Variants in MAPK10 observed in about 807,000 individuals in gnomAD.
MAPK10 encodes the protein JNK3 alpha protein kinase.
Under a neutral mutation model 59.3 loss-of-function variants are expected in MAPK10, and 25 were observed. That is an observed-to-expected ratio of 0.42 (90% confidence interval 0.31 to 0.59). MAPK10 has a LOEUF of 0.59. MAPK10 is among the 20% of genes least tolerant of loss of function. The pLI is 0.15. For missense variants in MAPK10, 351 were observed against 568.9 expected, an observed-to-expected ratio of 0.62 and a Z score of 3.90; for synonymous variants, 190 against 200.5, an observed-to-expected ratio of 0.95 and a Z score of 0.44.
intron 1 of MAPK10, among the ~76,000 whole-genome samples, chr4:86,463,291 T>A (rs961783929): frequency 6.6e-6 from 1 of 152,212 alleles, no homozygotes; most frequent in Non-Finnish European, 1.5e-5. Context: ...TGAGCAAGAC[T>A]GTGAATGGTT....
intron 2 of MAPK10, among the ~76,000 whole-genome samples, chr4:86,314,629 T>C (rs933416211): frequency 1.6e-4 from 25 of 152,254 alleles, no homozygotes; most frequent in Admixed American, 1.2e-3. Context: ...GGTATATACA[T>C]GTGCGAAAAT....
intron 4 of MAPK10, among the ~76,000 whole-genome samples, chr4:86,130,966 A>T (rs2060893538): frequency 6.6e-6 from 1 of 152,118 alleles, no homozygotes; most frequent in Non-Finnish European, 1.5e-5. Flanking sequence ...GGACTGAACA[A>T]GTATTTTAAT....
chr4:86,013,966 T>TAAAAA lies in MAPK10; in HGVS notation c.*3257_*3261dup, dbSNP rs1242451309. 6.6e-6 allele frequency: 1 copy of TAAAAA among 152,218 alleles called. No individual in the cohort carries two copies. Among genetic ancestry groups the TAAAAA allele is most frequent in the Non-Finnish European group, 1.5e-5 (1 of 68,038 alleles). The allele number at this position is 152,218 out of a possible 1,614,324, so 9.4% of individuals were successfully genotyped here. A position where few individuals can be genotyped will look rare whatever the true frequency, so the allele number is the denominator to read the frequency against. On this transcript the variant is annotated 3_prime_UTR_variant, in exon 14 of 14. Transcript: ENST00000641462. ...AACACGCTGACCCACAAAACACATA[T>TAAAAA]AAAAATAGTAAAGACATATTAATAG...
At chr4:86,561,372 C>CA (rs1302739723) in intron 1 of MAPK10, among the ~76,000 whole-genome samples, 1 of 152,142 alleles carries the variant, frequency 6.6e-6, no homozygotes, top group Non-Finnish European at 1.5e-5. Flanking sequence ...GGTAGTATTT[C>CA]AAAAAATTAT....
intron 1 of MAPK10, among the ~76,000 whole-genome samples, chr4:86,529,333 T>C (rs760383197): frequency 5.7e-4 from 87 of 152,074 alleles, no homozygotes; most frequent in Non-Finnish European, 1.1e-3. Flanking sequence ...AATCTCATAT[T>C]CTCTGCACCA....
chr4:86,372,564 G>GAAAGAGAAAGAAAGAAAAGA (rs1739002096), intron 1 of MAPK10, among the ~76,000 whole-genome samples: 4 of 78,690 alleles, frequency 5.1e-5, no homozygotes, highest in African/African-American at 8.9e-5. Context: ...AAGAAAGAAA[G>GAAAGAGAAAGAAAGAAAAGA]AAAGAAAAGA....
intron 1 of MAPK10, among the ~76,000 whole-genome samples, chr4:86,583,465 T>C (rs553553084): frequency 6.6e-6 from 1 of 152,278 alleles, no homozygotes; most frequent in African/African-American, 2.4e-5. Context: ...GAAAGAATAC[T>C]AGAGAGAAGT....
intron 1 of MAPK10, among the ~76,000 whole-genome samples, chr4:86,372,341 A>T (rs1578953880): frequency 1.3e-5 from 2 of 151,970 alleles, no homozygotes; most frequent in Admixed American, 1.3e-4. Context: ...ACATGGTGAA[A>T]CCCTGTCTTT....
At chr4:86,437,743 T>C (rs950599189) in intron 1 of MAPK10, among the ~76,000 whole-genome samples, 5 of 152,208 alleles carry the variant, frequency 3.3e-5, no homozygotes, top group African/African-American at 1.2e-4. Flanking sequence ...CCTAGTGATA[T>C]ACCAAATAGG....
chr4:86,189,879 G>A (rs2079233834), intron 3 of MAPK10, among the ~76,000 whole-genome samples: 1 of 152,086 alleles, frequency 6.6e-6, no homozygotes, highest in Non-Finnish European at 1.5e-5. Context: ...TACTGGCTGT[G>A]GAACTGTCAT....
chr4:86,283,970 G>C (rs1000842040), intron 2 of MAPK10, among the ~76,000 whole-genome samples: 1 of 152,080 alleles, frequency 6.6e-6, no homozygotes, highest in African/African-American at 2.4e-5. Flanking sequence ...TACAATCTAG[G>C]TTAGCATATT....
intron 2 of MAPK10, among the ~76,000 whole-genome samples, chr4:86,222,015 G>A (rs9997633): frequency 0.13 from 20,154 of 152,024 alleles, 1,334 homozygotes; most frequent in Middle Eastern, 0.16. Flanking sequence ...TTCAAAGTGT[G>A]TAGCATCTGC....
intron 1 of MAPK10, among the ~76,000 whole-genome samples, chr4:86,551,242 T>G (rs1237166907): frequency 6.6e-6 from 1 of 152,226 alleles, no homozygotes; most frequent in Non-Finnish European, 1.5e-5. Flanking sequence ...AAGAAATGTG[T>G]GTTTTCCACT....
At chr4:86,496,217 G>A (rs914525279) in intron 1 of MAPK10, among the ~76,000 whole-genome samples, 4 of 152,148 alleles carry the variant, frequency 2.6e-5, no homozygotes, top group Non-Finnish European at 4.4e-5. Flanking sequence ...AGACTTAGAT[G>A]TTGAAAACTC....
chr4:86,440,543 T>C (rs1749284013), intron 1 of MAPK10, among the ~76,000 whole-genome samples: 1 of 151,602 alleles, frequency 6.6e-6, no homozygotes, highest in African/African-American at 2.4e-5. Flanking sequence ...AGGTGGGAGA[T>C]TGTTTGAGCC....
chr4:86,582,741 A>T (rs750405875), intron 1 of MAPK10, among the ~76,000 whole-genome samples: 1 of 152,210 alleles, frequency 6.6e-6, no homozygotes, highest in African/African-American at 2.4e-5. Context: ...TGGTAATTTG[A>T]TAGGACACTT....
At chr4:86,105,665 C>G (rs2056410269) in intron 5 of MAPK10, among the ~76,000 whole-genome samples, 1 of 152,054 alleles carries the variant, frequency 6.6e-6, no homozygotes, top group Non-Finnish European at 1.5e-5. Context: ...TTGCATTGAT[C>G]ATGTGGCTAA....
chr4:86,523,700 A>T (rs1281995690), intron 1 of MAPK10, among the ~76,000 whole-genome samples: 1 of 152,204 alleles, frequency 6.6e-6, no homozygotes, highest in African/African-American at 2.4e-5. Flanking sequence ...CTGGCATTCC[A>T]GCAAAATCTA....
At chr4:86,407,105 G>A (rs574422911) in intron 1 of MAPK10, among the ~76,000 whole-genome samples, 3 of 152,216 alleles carry the variant, frequency 2.0e-5, no homozygotes, top group African/African-American at 7.2e-5. Flanking sequence ...GCCATACAAG[G>A]TCATTCTAAG....
Sources: allele counts gnomAD v4.1 joint callset (sites outside exome capture counted in the v4.1 genomes callset), GRCh38; gene constraint gnomAD v4.1.1; transcripts MANE v1.5; gene names NCBI Gene and HGNC (gene_info 2026-07-23, HGNC 2026-07-21).